DLGAP2: variants seen among roughly 807,000 people sequenced by gnomAD.
DLGAP2 encodes the protein DLG associated protein 2.
In DLGAP2, 26 loss-of-function variants were observed where a neutral mutation model predicts 100.3. The ratio of observed to expected loss-of-function variants is 0.26; its 90% CI spans 0.19 to 0.36. DLGAP2 has a LOEUF of 0.36. Ranked by LOEUF, DLGAP2 falls within the 10% of genes least tolerant of loss-of-function variation. The pLI is 1.00. For missense variants in DLGAP2, 1,858 were observed against 1,453.2 expected (o/e 1.28, Z -4.53); for synonymous variants, 886 against 630.1 (o/e 1.41, Z -6.08).
chr8:1,542,844 G>A (rs549548191), intron 4 of DLGAP2, among the ~76,000 whole-genome samples: 1 of 152,256 alleles, frequency 6.6e-6, no homozygotes, highest in Non-Finnish European at 1.5e-5. Flanking sequence ...CAGCGTGCGA[G>A]GTTCCAGTTT....
At chr8:898,765 C>G (rs972650447) in intron 1 of DLGAP2, among the ~76,000 whole-genome samples, 1 of 152,168 alleles carries the variant, frequency 6.6e-6, no homozygotes, top group Non-Finnish European at 1.5e-5. Flanking sequence ...TTGTGCTCAC[C>G]GTTCTTCTGG....
intron 2 of DLGAP2, among the ~76,000 whole-genome samples, chr8:1,100,688 C>T (rs193230391): frequency 1.1e-3 from 170 of 152,254 alleles, no homozygotes; most frequent in Non-Finnish European, 2.1e-3. Flanking sequence ...AGTGTGTGAA[C>T]TTGGCGCGCC....
At chr8:1,520,714 C>T (rs1009325050) in intron 4 of DLGAP2, among the ~76,000 whole-genome samples, 1 of 152,152 alleles carries the variant, frequency 6.6e-6, no homozygotes, top group Non-Finnish European at 1.5e-5. Context: ...GAGCTCATTT[C>T]ATTTTAGCAC....
At chr8:1,542,683 A>G (rs1801403561) in intron 4 of DLGAP2, among the ~76,000 whole-genome samples, 1 of 152,156 alleles carries the variant, frequency 6.6e-6, no homozygotes, top group Admixed American at 6.5e-5. Flanking sequence ...GCAACTATGA[A>G]TGATGTCGCT....
intron 2 of DLGAP2, among the ~76,000 whole-genome samples, chr8:975,011 A>G (rs1204877852): frequency 6.6e-6 from 1 of 152,228 alleles, no homozygotes; most frequent in Non-Finnish European, 1.5e-5. Flanking sequence ...TAATGAAGAA[A>G]AAAGGGAGAG....
intron 1 of DLGAP2, among the ~76,000 whole-genome samples, chr8:819,794 C>G (rs1796551725): frequency 2.0e-5 from 3 of 152,214 alleles, no homozygotes; most frequent in South Asian, 4.1e-4. Flanking sequence ...TCATCAAGTA[C>G]TTGGTGTGGA....
At chr8:1,468,265 C>G (rs560102931) in intron 3 of DLGAP2, among the ~76,000 whole-genome samples, 1 of 150,486 alleles carries the variant, frequency 6.6e-6, no homozygotes, top group South Asian at 2.1e-4. Flanking sequence ...GTTCACACAG[C>G]GTAGATCCGG....
intron 2 of DLGAP2, among the ~76,000 whole-genome samples, chr8:1,042,385 C>T (rs550508475): frequency 4.6e-5 from 7 of 152,316 alleles, no homozygotes; most frequent in East Asian, 1.9e-4. Flanking sequence ...ACATGTTAGA[C>T]GCAGAGGTGG....
chr8:1,010,341 GCACA>G (rs1298212924), intron 2 of DLGAP2, among the ~76,000 whole-genome samples: 1 of 149,944 alleles, frequency 6.7e-6, no homozygotes, highest in Non-Finnish European at 1.5e-5. Context: ...GCCCACATAT[GCACA>G]CACATGCACA....
intron 2 of DLGAP2, among the ~76,000 whole-genome samples, chr8:1,204,178 A>G (rs1254975095): frequency 6.6e-6 from 1 of 152,234 alleles, no homozygotes; most frequent in Non-Finnish European, 1.5e-5. Context: ...TGAGGGGGTA[A>G]GTCACACCCA....
intron 2 of DLGAP2, among the ~76,000 whole-genome samples, chr8:951,605 C>T (rs1414778009): frequency 1.3e-5 from 2 of 152,166 alleles, no homozygotes; most frequent in Admixed American, 6.5e-5. Flanking sequence ...ATAATTATTG[C>T]GTTCATGAAG....
chr8:1,516,959 C>G (rs1211425532), intron 4 of DLGAP2, among the ~76,000 whole-genome samples: 1 of 152,170 alleles, frequency 6.6e-6, no homozygotes, highest in Non-Finnish European at 1.5e-5. Flanking sequence ...AGCACCTCAT[C>G]CACTGTCTCA....
intron 1 of DLGAP2, among the ~76,000 whole-genome samples, chr8:766,247 A>G (rs1821213301): frequency 6.6e-6 from 1 of 152,240 alleles, no homozygotes; most frequent in Non-Finnish European, 1.5e-5. Flanking sequence ...ATACGTGCAC[A>G]TATGCACACA....
chr8:1,286,251 A>G (rs1799918986), intron 3 of DLGAP2, among the ~76,000 whole-genome samples: 1 of 152,166 alleles, frequency 6.6e-6, no homozygotes. Context: ...GCCTTCTGCC[A>G]TGATTGTAAG....
chr8:1,601,944 G>GAAT lies in DLGAP2; in HGVS notation c.1443-24796_1443-24795insAAT, dbSNP rs1563249561. Among the ~76,000 whole-genome samples, 12 of 114,564 alleles carry GAAT rather than the reference G, an allele frequency of 1.0e-4. No individual in the cohort carries two copies. The East Asian group carries it at 3.2e-3, about 30-fold the overall frequency. 75.2% of individuals were successfully genotyped at this position (114,564 alleles called of 152,430 possible). ...TTGATCCTAAAACCTTAATTTAACA[G>GAAT]GGTGTGTGTGTGTGTGTGTGTGTGT... is the stretch of plus-strand genomic sequence containing the variant. On this transcript the variant is annotated intron_variant, in intron 6 of 14. Transcript: ENST00000637795.
At chr8:869,989 A>G (rs982981861) in intron 1 of DLGAP2, among the ~76,000 whole-genome samples, 5 of 151,880 alleles carry the variant, frequency 3.3e-5, no homozygotes, top group African/African-American at 1.2e-4. Context: ...TGGCTGAGAA[A>G]GATACCGTGC....
chr8:751,482 C>T (rs1233440963), intron 1 of DLGAP2, among the ~76,000 whole-genome samples: 5 of 152,216 alleles, frequency 3.3e-5, no homozygotes, highest in African/African-American at 4.8e-5. Context: ...TTTTTTTCCC[C>T]GGGGACATTA....
intron 2 of DLGAP2, among the ~76,000 whole-genome samples, chr8:1,255,759 CTGCCTGGGTGCTGTGTGTGTGTCCTCTCA>C (rs1799190433): frequency 7.9e-6 from 1 of 126,620 alleles, no homozygotes. Flanking sequence ...GTGTCCTCTC[CTGCCTGGGTGCTGTGTGTGTGTCCTCTCA>C]TCCTGCCTGG....
chr8:1,021,610 G>A (rs1436217625), intron 2 of DLGAP2, among the ~76,000 whole-genome samples: 1 of 152,120 alleles, frequency 6.6e-6, no homozygotes, highest in African/African-American at 2.4e-5. Context: ...TGATATAAGA[G>A]GTCAGAGACC....
Sources: gnomAD v4.1 joint callset for allele counts (sites outside exome capture counted in the v4.1 genomes callset) on GRCh38, gnomAD v4.1.1 for gene constraint, MANE v1.5 for transcripts, NCBI Gene and HGNC (gene_info 2026-07-23, HGNC 2026-07-21) for gene names.